Variants in VHL observed in about 807,000 individuals in gnomAD.
The protein encoded by VHL is von Hippel-Lindau disease tumor suppressor.
In VHL, 10 loss-of-function variants were observed where a neutral mutation model predicts 19.2. The ratio of observed to expected loss-of-function variants is 0.52; its 90% CI spans 0.32 to 0.89. The LOEUF is 0.89. Among genes scored for constraint, VHL ranks in the 40% least tolerant of loss-of-function variants. The pLI, the probability that VHL is intolerant of heterozygous loss-of-function variation, is 0.03. For synonymous variants in VHL, 167 were observed against 129.5 expected (o/e 1.29, Z -1.97); for missense variants, 328 against 292.7 (o/e 1.12, Z -0.88).
chr3:10,146,271 T>A (rs1696253108), intron 1 of VHL, among the ~76,000 whole-genome samples: 1 of 150,548 alleles, frequency 6.6e-6, no homozygotes, highest in Non-Finnish European at 1.5e-5. Context: ...CCTCCTGGGT[T>A]CACACCATTC....
rs1252473811 is a variant in VHL at position 10,149,794 on chromosome 3, T to C, written c.471T>C (p.Thr157=). The change falls in exon 3 of 3, where the codon ACT becomes ACC. Residue 157 remains threonine (T), a synonymous_variant. Transcript: ENST00000256474. The stretch of plus-strand genomic sequence containing the variant: ...TGGTTTTTGCCCTTCCAGTGTATAC[T>C]CTGAAAGAGCGATGCCTCCAGGTTG... ...IFANITLPVY[T]LKERCLQVVR... is the part of the protein sequence containing the mutation. The C allele has an allele frequency of 1.2e-6, 2 of 1,613,978 alleles. No individual in the cohort carries two copies. Among genetic ancestry groups the C allele is most frequent in the African/African-American group, 2.7e-5 (2 of 74,932 alleles).
At position 10,143,809 on chromosome 3, in the gene VHL, C is replaced by T. The variant is rs112585154; in HGVS notation, c.340+1622C>T. 1.6e-3 allele frequency among the ~76,000 whole-genome samples: 244 copies of T among 152,260 alleles called. 1 individual carries two copies. The highest frequency in any genetic ancestry group is 5.7e-3 in the African/African-American group (236 of 41,538). ...TGTCAGATTTATATACTGAAAAGCT[C>T]ACCCAGGTTGCCAAGTGGTTTGGAG... On this transcript the variant is annotated intron_variant, in intron 1 of 2. Coordinates refer to ENST00000256474, the MANE Select transcript of VHL (RefSeq NM_000551.4).
Position 10,142,185 on chromosome 3 carries a change from G to T in VHL, c.338G>T (p.Arg113Leu), listed in dbSNP as rs767062290. 1.3e-6 allele frequency: 2 copies of T among 1,597,816 alleles called. No individual in the cohort carries two copies. The highest frequency in any genetic ancestry group is 1.1e-5 in the South Asian group (1 of 90,818). ...PGTGRRIHSY[R>L]GHLWLFRDAG... The stretch of plus-strand genomic sequence containing the variant: ...ACGGGCCGCCGCATCCACAGCTACC[G>T]AGGTACGGGCCCGGCGCTTAGGCCC... Residue 113 changes from arginine to leucine, a missense_variant and splice_region_variant, in exon 1 of 3, where the codon CGA becomes CTA. Coordinates refer to ENST00000256474, the MANE Select transcript of VHL (RefSeq NM_000551.4).
At chr3:10,146,787 G>A in intron 2 of VHL, 151 bp downstream of exon 2, 2 of 1,102,614 alleles carry the variant, frequency 1.8e-6, no homozygotes, top group South Asian at 2.6e-5. Flanking sequence ...TAAATAAAAT[G>A]GAAGTGATGT....
At chr3:10,147,268 C>T (rs1405163904) in intron 2 of VHL, among the ~76,000 whole-genome samples, 1 of 152,080 alleles carries the variant, frequency 6.6e-6, no homozygotes, top group Non-Finnish European at 1.5e-5. Context: ...CCTACGCCTC[C>T]CAAAGTGCTG....
At chr3:10,147,681 T>TA (rs1238674744) in intron 2 of VHL, among the ~76,000 whole-genome samples, 2 of 151,558 alleles carry the variant, frequency 1.3e-5, no homozygotes, top group African/African-American at 4.9e-5. Context: ...TTTTTTTTTT[T>TA]AAATCATTGA....
Position 10,141,869 on chromosome 3 carries a change from T to TGGGACGAGGCC in VHL, c.24_34dup (p.Glu12GlyfsTer6). On this transcript the variant is annotated frameshift_variant, in exon 1 of 3. Coordinates refer to ENST00000256474, the MANE Select transcript of VHL (RefSeq NM_000551.4). LOFTEE classifies it high-confidence loss of function. ...GGGAATGCCCCGGAGGGCGGAGAACTGGGACGAGGCCGAGGTAGGCGCGGA... is the reference window on the plus strand; with the variant it reads ...GGGAATGCCCCGGAGGGCGGAGAACTGGGACGAGGCCGGGACGAGGCCGAGGTAGGCGCGGA... The TGGGACGAGGCC allele has an allele frequency of 6.5e-7, 1 of 1,535,112 alleles. No individual in the cohort carries two copies.
chr3:10,143,149 T>C (rs1428482135), intron 1 of VHL: 1 of 150,910 alleles, frequency 6.6e-6, no homozygotes, highest in African/African-American at 2.5e-5. Flanking sequence ...GGAGTCTTGC[T>C]CTGCAAGCTG....
Position 10,146,667 on chromosome 3 carries a change from GGTT to G in VHL, c.463+37_463+39del, listed in dbSNP as rs869025658. Reference sequence around the variant, plus strand: ...GACGTTTTACTTTTTAAAAAGATAAGGTTGTTGTGGTAAGTACAGGATAGACCA... The same window carrying G: ...GACGTTTTACTTTTTAAAAAGATAAGGTTGTGGTAAGTACAGGATAGACCA... On this transcript the variant is annotated intron_variant, in intron 2 of 2. Transcript: ENST00000256474. The G allele has an allele frequency of 2.1e-4, 331 of 1,611,432 alleles. No homozygotes were observed. In the African/African-American group the frequency reaches 4.1e-3, roughly 20 times the overall value.
chr3:10,142,446 A>G, intron 1 of VHL: 1 of 507,790 alleles, frequency 2.0e-6, no homozygotes. Context: ...CCCGGGTTCA[A>G]GCGATTCTCC....
In VHL at chr3:10,146,264, CCTGGGTTCA is replaced by C. The variant is rs371330108; in HGVS notation, c.341-248_341-240del. On this transcript the variant is annotated intron_variant, in intron 1 of 2. Transcript: ENST00000256474. ...TCTCGGCTCACGGCAAGCTCCACCT[CCTGGGTTCA>C]CACCATTCTCCTGCCTCAGCCTCCC... Among the ~76,000 whole-genome samples the C allele has an allele frequency of 3.9e-3, 584 of 151,442 alleles. 17 individuals are homozygous for C. The South Asian group carries it at 0.053, about 14-fold the overall frequency.
intron 1 of VHL, 69 bp downstream of exon 1, chr3:10,142,256 C>G: frequency 6.5e-7 from 1 of 1,532,972 alleles, no homozygotes; most frequent in Non-Finnish European, 8.7e-7. Flanking sequence ...TCTACCGCCC[C>G]GGGGTCCATT....
intron 1 of VHL, among the ~76,000 whole-genome samples, chr3:10,145,692 C>T (rs1448481072): frequency 1.6e-5 from 2 of 127,088 alleles, no homozygotes; most frequent in African/African-American, 3.0e-5. Context: ...GGCGACAGAG[C>T]AAGACTGCAT....
chr3:10,141,881 G>C lies in VHL; in HGVS notation c.34G>C (p.Glu12Gln), dbSNP rs1064794788. 5 of 1,533,828 alleles carry C rather than the reference G, an allele frequency of 3.3e-6. No individual in the cohort carries two copies. The Admixed American group carries it at 6.1e-5, about 19-fold the overall frequency. The change falls in exon 1 of 3, where the codon GAG becomes CAG. Residue 12 changes from glutamate (E) to glutamine (Q), a missense_variant. By Grantham distance (29) the Glu-to-Gln change is conservative. Transcript: ENST00000256474. ...GAGGGCGGAGAACTGGGACGAGGCC[G>C]AGGTAGGCGCGGAGGAGGCAGGCGT... Reference protein sequence around the residue: ...PRRAENWDEAEVGAEEAGVEE... With the variant: ...PRRAENWDEAQVGAEEAGVEE...
chr3:10,147,681 TA>T (rs1238674744), intron 2 of VHL, among the ~76,000 whole-genome samples: 11 of 151,558 alleles, frequency 7.3e-5, no homozygotes, highest in African/African-American at 2.7e-4. Flanking sequence ...TTTTTTTTTT[TA>T]AATCATTGAA....
chr3:10,146,878 C>T (rs1010403360), intron 2 of VHL, among the ~76,000 whole-genome samples: 1 of 152,168 alleles, frequency 6.6e-6, no homozygotes, highest in Non-Finnish European at 1.5e-5. Flanking sequence ...ATTAAAGTAT[C>T]ATATCATAGG....
intron 1 of VHL, 44 bp downstream of exon 1, chr3:10,142,231 A>G (rs1232595907): frequency 3.2e-6 from 5 of 1,573,332 alleles, no homozygotes; most frequent in Middle Eastern, 1.8e-4. Flanking sequence ...GGACGATAGC[A>G]CGGTCTGAAG....
rs1696382531 is a variant in VHL, at chr3:10,150,447, G to C, written c.*482G>C. On this transcript the variant is annotated 3_prime_UTR_variant, in exon 3 of 3. Coordinates refer to ENST00000256474, the MANE Select transcript of VHL (RefSeq NM_000551.4). ...AGTCTTTCTCCTCTTTGAGACCCCA[G>C]TGCCTGCACATCATGAGCCTTCAGT... 1 of 869,964 alleles carries C rather than the reference G, an allele frequency of 1.1e-6. No individual in the cohort carries two copies. The highest frequency in any genetic ancestry group is 1.7e-5 in the African/African-American group (1 of 57,848). The allele number at this position is 869,964 out of a possible 1,614,324, so 53.9% of individuals were successfully genotyped here.
chr3:10,141,789 C>G lies in VHL; in HGVS notation c.-59C>G. The G allele has an allele frequency of 6.5e-7, 1 of 1,530,426 alleles. No individual in the cohort carries two copies. The highest frequency in any genetic ancestry group is 8.8e-7 in the Non-Finnish European group (1 of 1,135,530). The allele number at this position is 1,530,426 out of a possible 1,614,324, so 94.8% of individuals were successfully genotyped here. A position where few individuals can be genotyped will look rare whatever the true frequency, so the allele number is the denominator to read the frequency against. The stretch of plus-strand genomic sequence containing the variant: ...TCGGGAGCGCGCACGCAGCTCCGCC[C>G]CGCGTCCGACCCGCGGATCCCGCGG... On this transcript the variant is annotated 5_prime_UTR_variant, in exon 1 of 3. Transcript: ENST00000256474.
Sources: gnomAD v4.1 joint callset for allele counts (sites outside exome capture counted in the v4.1 genomes callset) on GRCh38, gnomAD v4.1.1 for gene constraint, MANE v1.5 for transcripts, NCBI Gene and HGNC (gene_info 2026-07-23, HGNC 2026-07-21) for gene names.